The following SLC6A2 variants were observed in gnomAD, a reference collection of about 807,000 sequenced individuals.
SLC6A2 encodes the protein sodium-dependent noradrenaline transporter.
In SLC6A2, 26 loss-of-function variants were observed where a neutral mutation model predicts 71.7. That is an observed-to-expected ratio of 0.36 (90% CI 0.27 to 0.50). The LOEUF is 0.50. SLC6A2 is among the 20% of genes least tolerant of loss of function. The pLI is 0.96. For missense variants in SLC6A2, 581 were observed against 803.9 expected, an observed-to-expected ratio of 0.72 and a Z score of 3.35; for synonymous variants, 363 against 337.9, an observed-to-expected ratio of 1.07 and a Z score of -0.82.
chr16:55,685,166 A>G lies in SLC6A2; in HGVS notation c.668A>G (p.Glu223Gly). 1.2e-6 allele frequency: 2 copies of G among 1,614,068 alleles called. No individual in the cohort carries two copies. The highest frequency in any genetic ancestry group is 1.7e-6 in the Non-Finnish European group (2 of 1,180,014). Reference protein sequence around the residue: ...FYERGVLHLHESSGIHDIGLP... With the variant: ...FYERGVLHLHGSSGIHDIGLP... ...AGGCGTGGTGTCCTGCACCTTCACGAGAGCAGCGGGATTCATGACATCGGC... is the reference window on the plus strand; with the variant it reads ...AGGCGTGGTGTCCTGCACCTTCACGGGAGCAGCGGGATTCATGACATCGGC... The change falls in exon 5 of 15, where the codon GAG becomes GGG. Residue 223 changes from glutamate to glycine, a missense_variant. By Grantham distance (98) the Glu-to-Gly change is moderately conservative (BLOSUM62 -2). This residue lies in a region of SLC6A2 where 87 missense variants were observed against 99.5 expected (regional missense o/e 0.87). Coordinates refer to ENST00000568943, the MANE Select transcript of SLC6A2 (RefSeq NM_001172501.3).
At chr16:55,695,543 C>A in intron 8 of SLC6A2, 141 bp downstream of exon 8, 1 of 940,460 alleles carries the variant, frequency 1.1e-6, no homozygotes, top group African/African-American at 1.6e-5. Flanking sequence ...ATGTGATTGA[C>A]TTTCCTTTGA....
intron 3 of SLC6A2, 56 bp from the exon 4 acceptor site, chr16:55,671,882 G>T: frequency 3.7e-6 from 6 of 1,612,016 alleles, no homozygotes; most frequent in Middle Eastern, 1.7e-4. Flanking sequence ...CCCAAGGAGA[G>T]GTGGCTGTGG....
Position 55,662,326 on chromosome 16 carries a change from A to T in SLC6A2, c.274+5358A>T, listed in dbSNP as rs192163664. ...TTTCATTAGCTGCATCCTTCATGTG[A>T]GTCACTGCTGAGATCCATTATTTAG... On this transcript the variant is annotated intron_variant, in intron 2 of 14. Coordinates refer to ENST00000568943, the MANE Select transcript of SLC6A2 (RefSeq NM_001172501.3). 1.2e-3 allele frequency among the ~76,000 whole-genome samples: 183 copies of T among 152,298 alleles called. 1 individual carries two copies. The highest frequency in any genetic ancestry group is 6.8e-3 in the South Asian group (33 of 4,826).
Position 55,683,741 on chromosome 16 carries a change from C to T in SLC6A2, c.645-1402C>T, listed in dbSNP as rs141676298. 5.8e-3 allele frequency among the ~76,000 whole-genome samples: 882 copies of T among 152,204 alleles called. 5 individuals carry two copies. The highest frequency in any genetic ancestry group is 8.8e-3 in the Non-Finnish European group (599 of 68,006). On this transcript the variant is annotated intron_variant, in intron 4 of 14. Transcript: ENST00000568943. ...AAGCGACAACTCAGCAAATGTTACC[C>T]GTTGAACGCATCCAGTAACCTCACC... is the stretch of plus-strand genomic sequence containing the variant.
At chr16:55,698,650 T>C (rs1306508861) in intron 11 of SLC6A2, 82 bp downstream of exon 11, 13 of 938,266 alleles carry the variant, frequency 1.4e-5, no homozygotes, top group Non-Finnish European at 2.3e-5. Flanking sequence ...GCCTTCCATT[T>C]CCAGGACAGC....
At chr16:55,671,557 C>G (rs1596965179) in intron 3 of SLC6A2, 4 of 459,268 alleles carry the variant, frequency 8.7e-6, no homozygotes, top group Non-Finnish European at 1.5e-5. Context: ...GTATTTACAG[C>G]TGCTCCCCAT....
At chr16:55,685,708 C>CT (rs1270924715) in intron 5 of SLC6A2, among the ~76,000 whole-genome samples, 2 of 152,160 alleles carry the variant, frequency 1.3e-5, no homozygotes, top group Non-Finnish European at 1.5e-5. Context: ...TAAATCCCCC[C>CT]TCTGAATTTT....
chr16:55,703,034 G>T lies in SLC6A2; in HGVS notation c.*688G>T. On this transcript the variant is annotated 3_prime_UTR_variant, in exon 15 of 15. Coordinates refer to ENST00000568943, the MANE Select transcript of SLC6A2 (RefSeq NM_001172501.3). ...TCCTCCAGCTTTTGGTGGTCAGATG[G>T]CCCAGAGATATGGGGGACAGGAGGA... is the stretch of plus-strand genomic sequence containing the variant. 1 of 986,640 alleles carries T rather than the reference G, an allele frequency of 1.0e-6. No homozygotes were observed. Among genetic ancestry groups the T allele is most frequent in the South Asian group, 4.7e-5 (1 of 21,320 alleles). 61.1% of individuals were successfully genotyped at this position (986,640 alleles called of 1,614,324 possible).
At chr16:55,677,261 A>G (rs1160585770) in intron 4 of SLC6A2, among the ~76,000 whole-genome samples, 2 of 152,000 alleles carry the variant, frequency 1.3e-5, no homozygotes, top group Non-Finnish European at 2.9e-5. Flanking sequence ...CATGGTTTGG[A>G]GGGGAAGGTG....
chr16:55,659,395 C>T (rs1420671), intron 2 of SLC6A2, among the ~76,000 whole-genome samples: 56 of 152,204 alleles, frequency 3.7e-4, no homozygotes, highest in African/African-American at 1.3e-3. Context: ...TACTATAAAC[C>T]AGGTTCTTAG....
chr16:55,662,157 G>C (rs1964627311), intron 2 of SLC6A2, among the ~76,000 whole-genome samples: 1 of 152,226 alleles, frequency 6.6e-6, no homozygotes, highest in Admixed American at 6.5e-5. Context: ...GTTACTCCAA[G>C]CTTGTCAAAA....
chr16:55,675,634 C>A (rs553937865), intron 4 of SLC6A2, among the ~76,000 whole-genome samples: 4 of 152,258 alleles, frequency 2.6e-5, no homozygotes, highest in African/African-American at 9.6e-5. Context: ...ACCAGAGTAC[C>A]CACTTGCCAC....
Position 55,704,448 on chromosome 16 carries a change from T to C in SLC6A2, c.*2102T>C, listed in dbSNP as rs746508087. On this transcript the variant is annotated 3_prime_UTR_variant, in exon 15 of 15. Coordinates refer to ENST00000568943, the MANE Select transcript of SLC6A2 (RefSeq NM_001172501.3). ...CCCAGGACTGTCATTTTTAAAAAAC[T>C]CATTCAAACCGCAAAGGAAAATTTC... 1 of 152,194 alleles carries C rather than the reference T, an allele frequency of 6.6e-6. No individual in the cohort carries two copies. The highest frequency in any genetic ancestry group is 6.5e-5 in the Admixed American group (1 of 15,282). 9.4% of individuals were successfully genotyped at this position (152,194 alleles called of 1,614,324 possible).
intron 2 of SLC6A2, among the ~76,000 whole-genome samples, chr16:55,660,317 G>T (rs181276404): frequency 3.9e-4 from 60 of 152,282 alleles, no homozygotes; most frequent in African/African-American, 1.4e-3. Context: ...CTAAGGGGTG[G>T]GGATATTATA....
chr16:55,700,109 C>T, intron 12 of SLC6A2, 30 bp from the exon 13 acceptor site: 4 of 1,603,292 alleles, frequency 2.5e-6, no homozygotes, highest in Non-Finnish European at 3.4e-6. Context: ...GTCCTGTCTT[C>T]CTTTCTCTCC....
chr16:55,674,019 A>G (rs1233981140), intron 4 of SLC6A2, among the ~76,000 whole-genome samples: 2 of 151,804 alleles, frequency 1.3e-5, no homozygotes, highest in African/African-American at 2.4e-5. Context: ...TGTTGTTGTT[A>G]TTATTATTAT....
chr16:55,693,380 A>AG (rs35871953), intron 6 of SLC6A2, among the ~76,000 whole-genome samples: 1 of 151,556 alleles, frequency 6.6e-6, no homozygotes, highest in Non-Finnish European at 1.5e-5. Flanking sequence ...AAAAAAAAAA[A>AG]TCTGAATTGC....
At chr16:55,695,466 C>G in intron 8 of SLC6A2, 64 bp downstream of exon 8, 1 of 1,581,236 alleles carries the variant, frequency 6.3e-7, no homozygotes, top group South Asian at 1.1e-5. Context: ...CCACCTTATT[C>G]TTGGCTGCAT....
chr16:55,699,555 A>G lies in SLC6A2; in HGVS notation c.1491A>G (p.Gly497=). ...CAGGCCTGCCCTGTGTGTGCACAGGAGTGGACAGGTTCAGCAACGACATCC... is the reference window on the plus strand; with the variant it reads ...CAGGCCTGCCCTGTGTGTGCACAGGGGTGGACAGGTTCAGCAACGACATCC... ...MEAIGVSWFY[G]VDRFSNDIQQ... is the part of the protein sequence containing the mutation. The change falls in exon 12 of 15, where the codon GGA becomes GGG. Residue 497 remains glycine (G), a splice_region_variant and synonymous_variant. Coordinates refer to ENST00000568943, the MANE Select transcript of SLC6A2 (RefSeq NM_001172501.3). The G allele has an allele frequency of 1.2e-6, 2 of 1,612,934 alleles. No homozygotes were observed. Among genetic ancestry groups the G allele is most frequent in the Non-Finnish European group, 1.7e-6 (2 of 1,178,978 alleles).
Sources: allele counts gnomAD v4.1 joint callset (sites outside exome capture counted in the v4.1 genomes callset), GRCh38; gene constraint gnomAD v4.1.1; regional missense constraint gnomAD v4.1.1; transcripts MANE v1.5; gene names NCBI Gene and HGNC (gene_info 2026-07-23, HGNC 2026-07-21).